WDPCP: variants seen among roughly 807,000 people sequenced by gnomAD.
The protein encoded by WDPCP is WD repeat containing planar cell polarity effector.
Under a neutral mutation model 93.1 loss-of-function variants are expected in WDPCP, and 71 were observed. The ratio of observed to expected loss-of-function variants is 0.76; its 90% CI spans 0.63 to 0.93. The LOEUF (loss-of-function observed/expected upper bound fraction) is 0.93. Ranked by LOEUF, WDPCP falls within the 40% of genes least tolerant of loss-of-function variation. The pLI is 0.00. For missense variants in WDPCP, 844 were observed against 887.4 expected (o/e 0.95, Z 0.62); for synonymous variants, 315 against 315.0 (o/e 1.00, Z 0.00).
intron 2 of WDPCP, among the ~76,000 whole-genome samples, chr2:63,783,364 G>C (rs950652971): frequency 9.9e-5 from 15 of 152,220 alleles, no homozygotes; most frequent in Non-Finnish European, 1.6e-4. Context: ...AGGCTGCAGT[G>C]AGACATGTTC....
At chr2:63,717,467 A>C in intron 2 of WDPCP, 1 of 395,016 alleles carries the variant, frequency 2.5e-6, no homozygotes, top group Admixed American at 3.2e-5. Flanking sequence ...GAAAGAATTA[A>C]GGGCGGCAAA....
intron 1 of WDPCP, among the ~76,000 whole-genome samples, chr2:63,584,047 C>T (rs894147147): frequency 4.6e-5 from 7 of 152,084 alleles, no homozygotes; most frequent in Non-Finnish European, 1.0e-4. Context: ...ATAATACCAG[C>T]GCTTTGGGTG....
At chr2:63,798,999 C>A (rs1244727750) in intron 2 of WDPCP, among the ~76,000 whole-genome samples, 1 of 152,270 alleles carries the variant, frequency 6.6e-6, no homozygotes, top group East Asian at 1.9e-4. Context: ...AGTGTTCCTA[C>A]ATCTAAGATT....
At chr2:63,714,008 G>C (rs1669297955) in intron 2 of WDPCP, among the ~76,000 whole-genome samples, 2 of 151,380 alleles carry the variant, frequency 1.3e-5, no homozygotes, top group Non-Finnish European at 2.9e-5. Flanking sequence ...GCAGAGGACA[G>C]TCAGCTAAAA....
intron 14 of WDPCP, among the ~76,000 whole-genome samples, chr2:63,257,473 A>T (rs1681244936): frequency 6.6e-6 from 1 of 152,206 alleles, no homozygotes; most frequent in South Asian, 2.1e-4. Context: ...TTTCTGCAGC[A>T]AAACTGGAGT....
At chr2:63,643,518 T>C (rs947694934) in intron 3 of WDPCP, 1 of 411,642 alleles carries the variant, frequency 2.4e-6, no homozygotes, top group Non-Finnish European at 4.7e-6. Flanking sequence ...AGGTTACCAA[T>C]GTTGAACTTG....
chr2:63,664,731 A>G (rs924426849), intron 2 of WDPCP, among the ~76,000 whole-genome samples: 18 of 152,260 alleles, frequency 1.2e-4, no homozygotes, highest in African/African-American at 4.1e-4. Flanking sequence ...TGTGAAAATA[A>G]GAAGAGAAGA....
chr2:63,588,261 T>A lies in WDPCP; in HGVS notation c.11A>T (p.Glu4Val). The A allele has an allele frequency of 8.3e-6, 13 of 1,574,538 alleles. No individual in the cohort carries two copies. The highest frequency in any genetic ancestry group is 1.1e-5 in the Non-Finnish European group (13 of 1,157,638). The change falls in exon 1 of 18, where the codon GAG (glutamate) becomes GTG (valine). Residue 4 changes from glutamate to valine, a missense_variant. By Grantham distance (121) the Glu-to-Val change is moderately radical. Transcript: ENST00000272321. ...TTTGGAGTAGGCGTCCCAGCAAAAC[T>A]CTCGCCTCATCACCAGACACTACCC... is the stretch of plus-strand genomic sequence containing the variant. MRR[E>V]FCWDAYSKAA...
At chr2:63,319,208 A>G (rs1235418479) in intron 12 of WDPCP, among the ~76,000 whole-genome samples, 2 of 152,190 alleles carry the variant, frequency 1.3e-5, no homozygotes, top group Admixed American at 6.5e-5. Context: ...GTCCAGAACA[A>G]TATTTCCTAG....
chr2:63,555,970 A>T (rs1034246100), intron 1 of WDPCP, among the ~76,000 whole-genome samples: 1 of 152,218 alleles, frequency 6.6e-6, no homozygotes, highest in Non-Finnish European at 1.5e-5. Context: ...CTCTCCAGCA[A>T]GGGCACAGAA....
chr2:63,831,631 A>C (rs1026801154), upstream of WDPCP, among the ~76,000 whole-genome samples: 6 of 152,144 alleles, frequency 3.9e-5, no homozygotes, highest in African/African-American at 1.4e-4. Flanking sequence ...TAGTTTTTAA[A>C]TGTTTAAAAT....
At chr2:63,197,490 A>G (rs939953752) in intron 14 of WDPCP, among the ~76,000 whole-genome samples, 2 of 152,180 alleles carry the variant, frequency 1.3e-5, no homozygotes, top group African/African-American at 4.8e-5. Flanking sequence ...TACTTTTAAA[A>G]GGGCAATTTG....
chr2:63,481,976 C>A (rs951168361), intron 6 of WDPCP, among the ~76,000 whole-genome samples: 16 of 151,448 alleles, frequency 1.1e-4, no homozygotes, highest in African/African-American at 3.9e-4. Context: ...CTACTATCCT[C>A]CAAAAAAAAA....
chr2:63,411,989 AC>A (rs2105271238), intron 9 of WDPCP, among the ~76,000 whole-genome samples: 1 of 152,300 alleles, frequency 6.6e-6, no homozygotes, highest in South Asian at 2.1e-4. Flanking sequence ...ATACTACTCC[AC>A]AAGATAGAGA....
intron 13 of WDPCP, among the ~76,000 whole-genome samples, chr2:63,278,749 C>T (rs1683274642): frequency 6.6e-6 from 1 of 152,118 alleles, no homozygotes; most frequent in Non-Finnish European, 1.5e-5. Context: ...TGGTGTGAAC[C>T]TGGGAGGCAG....
intron 13 of WDPCP, among the ~76,000 whole-genome samples, chr2:63,277,461 A>G (rs763764520): frequency 6.6e-6 from 1 of 152,254 alleles, no homozygotes; most frequent in Non-Finnish European, 1.5e-5. Context: ...ACAGAATGGC[A>G]GAATGCATAA....
intron 1 of WDPCP, among the ~76,000 whole-genome samples, chr2:63,523,002 C>CA (rs1460507447): frequency 6.6e-6 from 1 of 152,026 alleles, no homozygotes; most frequent in East Asian, 1.9e-4. Flanking sequence ...GAGACACACA[C>CA]AAAAAAGAAA....
At chr2:63,667,644 C>G (rs1205331261) in intron 2 of WDPCP, among the ~76,000 whole-genome samples, 2 of 152,124 alleles carry the variant, frequency 1.3e-5, no homozygotes, top group Non-Finnish European at 2.9e-5. Context: ...CTACATTAAA[C>G]TCTAGAAAGC....
At chr2:63,482,933 C>G (rs1700354745) in intron 6 of WDPCP, among the ~76,000 whole-genome samples, 1 of 151,890 alleles carries the variant, frequency 6.6e-6, no homozygotes, top group South Asian at 2.1e-4. Flanking sequence ...CTGTAAATTA[C>G]AAAAGTAATT....
Sources: gnomAD v4.1 joint callset for allele counts (sites outside exome capture counted in the v4.1 genomes callset) on GRCh38, gnomAD v4.1.1 for gene constraint, MANE v1.5 for transcripts, NCBI Gene and HGNC (gene_info 2026-07-23, HGNC 2026-07-21) for gene names.